Variants in MAML3 observed in about 807,000 individuals in gnomAD.
MAML3 encodes the protein mastermind-like protein 3.
Under a neutral mutation model 101.9 loss-of-function variants are expected in MAML3, and 27 were observed. The ratio of observed to expected loss-of-function variants is 0.27; its 90% CI spans 0.20 to 0.37. MAML3 has a LOEUF of 0.37. Among genes scored for constraint, MAML3 ranks in the 10% least tolerant of loss-of-function variants. The pLI, the probability that MAML3 is intolerant of heterozygous loss-of-function variation, is 1.00. For missense variants in MAML3, 1,316 were observed against 1,444.9 expected (o/e 0.91, Z 1.45); for synonymous variants, 501 against 555.9 (o/e 0.90, Z 1.39).
intron 2 of MAML3, among the ~76,000 whole-genome samples, chr4:139,868,351 T>A (rs1385991851): frequency 6.6e-6 from 1 of 152,246 alleles, no homozygotes; most frequent in Admixed American, 6.5e-5. Flanking sequence ...CATTCAAGAT[T>A]CATTTGACAT....
intron 1 of MAML3, among the ~76,000 whole-genome samples, chr4:140,058,269 CT>C (rs56408865): frequency 5.4e-5 from 8 of 148,588 alleles, no homozygotes; most frequent in African/African-American, 7.4e-5. Context: ...GCTCAGAGTA[CT>C]TTTTTTTTTA....
chr4:140,150,633 C>T (rs1729142247), intron 1 of MAML3, among the ~76,000 whole-genome samples: 1 of 152,134 alleles, frequency 6.6e-6, no homozygotes, highest in African/African-American at 2.4e-5. Context: ...AATCCATGCG[C>T]GTGGGGTGTA....
chr4:139,872,808 T>C (rs1032008287), intron 2 of MAML3, among the ~76,000 whole-genome samples: 1 of 152,122 alleles, frequency 6.6e-6, no homozygotes, highest in Admixed American at 6.5e-5. Context: ...CCGGGCACAG[T>C]GGTTCATGCC....
At chr4:139,819,585 G>T (rs1730942773) in intron 2 of MAML3, among the ~76,000 whole-genome samples, 1 of 151,986 alleles carries the variant, frequency 6.6e-6, no homozygotes, top group Non-Finnish European at 1.5e-5. Context: ...CTTCTTCTTG[G>T]GTATTTTTTT....
intron 2 of MAML3, among the ~76,000 whole-genome samples, chr4:139,760,336 G>A (rs1729731012): frequency 6.6e-6 from 1 of 152,214 alleles, no homozygotes; most frequent in South Asian, 2.1e-4. Flanking sequence ...CAAGAAACCA[G>A]CTACACAAGT....
chr4:139,887,809 G>A (rs952704387), intron 2 of MAML3, among the ~76,000 whole-genome samples: 1 of 152,092 alleles, frequency 6.6e-6, no homozygotes, highest in African/African-American at 2.4e-5. Flanking sequence ...CTTCTGACAC[G>A]CCTGGGCTAC....
chr4:139,987,441 G>A (rs1387434045), intron 1 of MAML3, among the ~76,000 whole-genome samples: 4 of 152,174 alleles, frequency 2.6e-5, no homozygotes, highest in Admixed American at 6.5e-5. Flanking sequence ...GGAACGCCGT[G>A]CGTCATCACT....
chr4:139,808,292 A>G (rs2111109520), intron 2 of MAML3, among the ~76,000 whole-genome samples: 1 of 152,366 alleles, frequency 6.6e-6, no homozygotes, highest in African/African-American at 2.4e-5. Context: ...GCCCCCCACC[A>G]ACATCACTGG....
At chr4:140,075,245 G>A (rs1205369328) in intron 1 of MAML3, among the ~76,000 whole-genome samples, 1 of 152,160 alleles carries the variant, frequency 6.6e-6, no homozygotes, top group Non-Finnish European at 1.5e-5. Flanking sequence ...GGCAGAGACA[G>A]GAATTTGTTC....
At chr4:139,963,129 T>G (rs1296297236) in intron 1 of MAML3, among the ~76,000 whole-genome samples, 1 of 152,180 alleles carries the variant, frequency 6.6e-6, no homozygotes. Flanking sequence ...AACTTTAATG[T>G]GCATACAAGT....
intron 1 of MAML3, among the ~76,000 whole-genome samples, chr4:140,129,485 G>A (rs547423815): frequency 6.6e-6 from 1 of 152,244 alleles, no homozygotes; most frequent in South Asian, 2.1e-4. Context: ...GTTTTAAAAG[G>A]TAAAGCAGAA....
chr4:140,015,491 G>C (rs1300199440), intron 1 of MAML3, among the ~76,000 whole-genome samples: 4 of 152,078 alleles, frequency 2.6e-5, no homozygotes, highest in Non-Finnish European at 5.9e-5. Context: ...TCCTCAAATT[G>C]ATGAAGAGCA....
intron 2 of MAML3, among the ~76,000 whole-genome samples, chr4:139,732,346 A>C (rs1269479421): frequency 6.6e-6 from 1 of 152,162 alleles, no homozygotes; most frequent in Non-Finnish European, 1.5e-5. Context: ...TGTGCTGTAG[A>C]ACCATGCAGG....
At chr4:139,918,719 G>A (rs1005174329) in intron 1 of MAML3, among the ~76,000 whole-genome samples, 6 of 152,120 alleles carry the variant, frequency 3.9e-5, no homozygotes, top group South Asian at 2.1e-4. Flanking sequence ...AGAGATAAGC[G>A]CACGACTGGT....
intron 2 of MAML3, among the ~76,000 whole-genome samples, chr4:139,799,326 G>C (rs1730567065): frequency 6.6e-6 from 1 of 152,154 alleles, no homozygotes; most frequent in Non-Finnish European, 1.5e-5. Flanking sequence ...TTCTTGCAAA[G>C]AAAAATATCC....
At chr4:140,082,942 C>A (rs1168229984) in intron 1 of MAML3, among the ~76,000 whole-genome samples, 1 of 152,106 alleles carries the variant, frequency 6.6e-6, no homozygotes, top group African/African-American at 2.4e-5. Flanking sequence ...TGAAAACAGG[C>A]AAGGTTCATC....
chr4:139,864,923 C>CTTTTTTTTTTTTTTTTTTTTTT (rs56361332), intron 2 of MAML3, among the ~76,000 whole-genome samples: 1 of 62,456 alleles, frequency 1.6e-5, no homozygotes, highest in Non-Finnish European at 2.9e-5. Flanking sequence ...TGCAAACTTG[C>CTTTTTTTTTTTTTTTTTTTTTT]TTTTTTTTTT....
chr4:139,730,890 G>A (rs1307083049), intron 2 of MAML3: 3 of 576,310 alleles, frequency 5.2e-6, no homozygotes, highest in Non-Finnish European at 9.3e-6. Context: ...CATGGCTCTG[G>A]GAAGTCCAAG....
At chr4:140,063,807 TA>T (rs756389094) in intron 1 of MAML3, among the ~76,000 whole-genome samples, 26 of 149,576 alleles carry the variant, frequency 1.7e-4, no homozygotes, top group Admixed American at 2.7e-4. Flanking sequence ...AAAAAAAAAG[TA>T]AAAGGAAAGA....
Sources: gnomAD v4.1 joint callset for allele counts (sites outside exome capture counted in the v4.1 genomes callset) on GRCh38, gnomAD v4.1.1 for gene constraint, MANE v1.5 for transcripts, NCBI Gene and HGNC (gene_info 2026-07-23, HGNC 2026-07-21) for gene names.